PKHD1L1: variants seen among roughly 807,000 people sequenced by gnomAD.
The protein encoded by PKHD1L1 is PKHD1 like 1.
PKHD1L1 carries 434 observed loss-of-function variants against 462.9 expected under a neutral mutation model. The ratio of observed to expected loss-of-function variants is 0.94; its 90% CI spans 0.87 to 1.02. The LOEUF (loss-of-function observed/expected upper bound fraction) is 1.02, where lower values mean the gene tolerates loss of function less well. Ranked by LOEUF, PKHD1L1 falls within the 50% of genes least tolerant of loss-of-function variation. The probability of loss-of-function intolerance (pLI) is 0.00; values close to 1 mark genes in which losing one functional copy is unlikely to be tolerated. For synonymous variants in PKHD1L1, 1,781 were observed against 1,750.0 expected (o/e 1.02, Z -0.44); for missense variants, 5,202 against 5,096.1 (o/e 1.02, Z -0.63).
rs1463478670 is a variant in PKHD1L1, at chr8:109,439,001, T to C, written c.3865T>C (p.Phe1289Leu). The change falls in exon 32 of 78, where the codon TTC becomes CTC. Residue 1289 changes from phenylalanine (F) to leucine (L), a missense_variant. Around this residue, in one of 3 missense-constraint regions of PKHD1L1, gnomAD observed 4,497 missense variants for 4,336.8 expected, o/e 1.04. Transcript: ENST00000378402. ...AACCTGCCAGATTCTTCACTGGAAC[T>C]TCACAGATATTAGATGCCTTTTGCC... ...GKTCQILHWN[F>L]TDIRCLLPKL... 1 of 1,613,618 alleles carries C rather than the reference T, an allele frequency of 6.2e-7. No homozygotes were observed. Among genetic ancestry groups the C allele is most frequent in the African/African-American group, 1.3e-5 (1 of 74,930 alleles).
At chr8:109,520,542 G>A (rs1164559551) in intron 73 of PKHD1L1, among the ~76,000 whole-genome samples, 2 of 152,168 alleles carry the variant, frequency 1.3e-5, no homozygotes, top group African/African-American at 4.8e-5. Flanking sequence ...GTTAGGGATG[G>A]TGGGAGGGAC....
intron 50 of PKHD1L1, 106 bp downstream of exon 50, chr8:109,466,875 T>A: frequency 1.0e-6 from 1 of 998,222 alleles, no homozygotes; most frequent in Non-Finnish European, 1.5e-6. Flanking sequence ...TTGCAAAAAG[T>A]ATAACATTTA....
rs1821120480 is a variant in PKHD1L1, at chr8:109,535,179, G to C, written c.*5089G>C. 6.6e-6 allele frequency among the ~76,000 whole-genome samples: 1 copy of C among 151,966 alleles called. No individual in the cohort carries two copies. Among genetic ancestry groups the C allele is most frequent in the Non-Finnish European group, 1.5e-5 (1 of 67,988 alleles). On this transcript the variant is annotated 3_prime_UTR_variant, in exon 78 of 78. Transcript: ENST00000378402. ...TAGACTGAGTAATTATAGTTGCTAT[G>C]GTAATGGGCTCTGTGCCTATGAGCA...
chr8:109,454,358 T>G (rs1373521150), intron 44 of PKHD1L1, 112 bp downstream of exon 44: 2 of 739,312 alleles, frequency 2.7e-6, no homozygotes, highest in Admixed American at 3.2e-5. Context: ...AAGTTTATCT[T>G]TGTTTAGGTC....
At chr8:109,469,132 C>G (rs1817592524) in intron 50 of PKHD1L1, among the ~76,000 whole-genome samples, 1 of 152,118 alleles carries the variant, frequency 6.6e-6, no homozygotes, top group Non-Finnish European at 1.5e-5. Flanking sequence ...TGGTTAAGCA[C>G]TGACTCCTGC....
Position 109,464,932 on chromosome 8 carries a change from T to C in PKHD1L1, c.8100T>C (p.Asn2700=), listed in dbSNP as rs1271398507. 6.2e-7 allele frequency: 1 copy of C among 1,613,776 alleles called. No homozygotes were observed. Among genetic ancestry groups the C allele is most frequent in the Non-Finnish European group, 8.5e-7 (1 of 1,179,772 alleles). The change falls in exon 49 of 78, where the codon AAT becomes AAC. Residue 2700 remains asparagine (N), a synonymous_variant. Transcript: ENST00000378402. Reference sequence around the variant, plus strand: ...ATGTTGGAGGGTGGGGTGAAACCAATGGAGCGGTGATTAAAAATGCCAAAA... The same window carrying C: ...ATGTTGGAGGGTGGGGTGAAACCAACGGAGCGGTGATTAAAAATGCCAAAA... The part of the protein sequence containing the change: ...APYVGGWGET[N]GAVIKNAKIV...
rs1280304702 is a variant in PKHD1L1, at chr8:109,400,086, C to T, written c.1023C>T (p.Gly341=). Residue 341 remains glycine, a synonymous_variant, in exon 13 of 78, where the codon GGC becomes GGT. Transcript: ENST00000378402. ...ILKTVYPGGR[G]LKLEVWNNSR... ...TTTCATTACACTTAGGAGGGAGAGG[C>T]CTGAAGCTTGAGGTGTGGAATAATA... The T allele has an allele frequency of 1.2e-6, 2 of 1,611,338 alleles. No homozygotes were observed. The highest frequency in any genetic ancestry group is 1.7e-6 in the Non-Finnish European group (2 of 1,178,362).
At chr8:109,386,146 T>A (rs189079154) in intron 6 of PKHD1L1, among the ~76,000 whole-genome samples, 9 of 152,318 alleles carry the variant, frequency 5.9e-5, no homozygotes, top group Non-Finnish European at 1.2e-4. Context: ...TTGAATCCTG[T>A]TTTGTCCATT....
intron 40 of PKHD1L1, 68 bp from the exon 41 acceptor site, chr8:109,450,907 T>C (rs770363474): frequency 1.5e-4 from 220 of 1,421,522 alleles, no homozygotes; most frequent in Non-Finnish European, 2.1e-4. Flanking sequence ...TTGAAAATGT[T>C]TGGAGGTTTT....
chr8:109,465,764 C>T (rs1817408594), intron 49 of PKHD1L1, among the ~76,000 whole-genome samples: 1 of 152,086 alleles, frequency 6.6e-6, no homozygotes, highest in Admixed American at 6.5e-5. Context: ...CCTTTTATTC[C>T]AATCTAAATC....
At chr8:109,497,985 C>A (rs1196828813) in intron 65 of PKHD1L1, among the ~76,000 whole-genome samples, 3 of 151,936 alleles carry the variant, frequency 2.0e-5, no homozygotes, top group African/African-American at 7.3e-5. Flanking sequence ...GTTGGGGTAG[C>A]AACCTTTTTC....
chr8:109,459,418 CTTAG>C (rs373831152), intron 46 of PKHD1L1, among the ~76,000 whole-genome samples, 173 bp from the exon 47 acceptor site: 11 of 147,054 alleles, frequency 7.5e-5, no homozygotes, highest in Non-Finnish European at 1.2e-4. Context: ...ATTTGTAAAA[CTTAG>C]TTAATCAAGC....
intron 21 of PKHD1L1, among the ~76,000 whole-genome samples, chr8:109,418,110 T>C (rs1207945068): frequency 6.6e-6 from 1 of 152,224 alleles, no homozygotes; most frequent in Non-Finnish European, 1.5e-5. Flanking sequence ...AGTTTTGATA[T>C]CATTTTCAGT....
In PKHD1L1 at chr8:109,382,497, A is replaced by G; in HGVS notation, c.343A>G (p.Ser115Gly). The G allele has an allele frequency of 6.2e-7, 1 of 1,612,056 alleles. No individual in the cohort carries two copies. Among genetic ancestry groups the G allele is most frequent in the East Asian group, 2.2e-5 (1 of 44,718 alleles). Residue 115 changes from serine to glycine, a missense_variant, in exon 4 of 78, where the codon AGT becomes GGT. Physicochemically the swap from Ser to Gly is moderately conservative, Grantham distance 56 (BLOSUM62 0). Transcript: ENST00000378402. The stretch of plus-strand genomic sequence containing the variant: ...GGAAGATTCCTACACTGTTAGAGTC[A>G]GTGTGGACGGGGTTCCTGTTACGGA... The part of the protein sequence containing the change: ...MPEDSYTVRV[S>G]VDGVPVTENN...
rs371676711 is a variant in PKHD1L1, at chr8:109,507,758, G to T, written c.11090G>T (p.Gly3697Val). 3.1e-6 allele frequency: 5 copies of T among 1,613,422 alleles called. No homozygotes were observed. Among genetic ancestry groups the T allele is most frequent in the Non-Finnish European group, 4.2e-6 (5 of 1,179,658 alleles). Residue 3697 changes from glycine (G) to valine (V), a missense_variant, in exon 69 of 78, where the codon GGT (glycine) becomes GTT (valine). This residue lies in a region of PKHD1L1 where 698 missense variants were observed against 736.3 expected (regional missense o/e 0.95). Transcript: ENST00000378402. Reference protein sequence around the residue: ...DIDGSFLGNAGSVIPQAEYEW... With the variant: ...DIDGSFLGNAVSVIPQAEYEW... Reference sequence around the variant, plus strand: ...GATGGCTCCTTTCTGGGGAATGCTGGTTCTGTGATACCTCAAGCAGAATAT... The same window carrying T: ...GATGGCTCCTTTCTGGGGAATGCTGTTTCTGTGATACCTCAAGCAGAATAT...
intron 2 of PKHD1L1, among the ~76,000 whole-genome samples, chr8:109,371,775 G>T (rs1416644687): frequency 2.6e-5 from 4 of 151,862 alleles, no homozygotes; most frequent in Non-Finnish European, 5.9e-5. Flanking sequence ...TTTCCCCATT[G>T]CTTGTTTTTG....
At chr8:109,509,179 C>G (rs752025083) in intron 70 of PKHD1L1, among the ~76,000 whole-genome samples, 1 of 152,040 alleles carries the variant, frequency 6.6e-6, no homozygotes, top group African/African-American at 2.4e-5. Context: ...CCTCACTTCT[C>G]CCACCCCAAT....
chr8:109,454,828 C>T lies in PKHD1L1; in HGVS notation c.6850C>T (p.Arg2284Trp), dbSNP rs201214727. 3.3e-5 allele frequency: 53 copies of T among 1,613,526 alleles called. No homozygotes were observed. Among genetic ancestry groups the T allele is most frequent in the Middle Eastern group, 1.6e-4 (1 of 6,062 alleles). The change falls in exon 45 of 78, where the codon CGG becomes TGG. Residue 2284 changes from arginine to tryptophan, a missense_variant. Coordinates refer to ENST00000378402, the MANE Select transcript of PKHD1L1 (RefSeq NM_177531.6). Reference sequence around the variant, plus strand: ...CTATGGTGCCAAAACACTGGCTGTGCGGGAGGGAATCCTGGATCTGCACGG... The same window carrying T: ...CTATGGTGCCAAAACACTGGCTGTGTGGGAGGGAATCCTGGATCTGCACGG... ...PVYGAKTLAV[R>W]EGILDLHGVP...
At position 109,512,958 on chromosome 8, in the gene PKHD1L1, A is replaced by G. The variant is rs1470054710; in HGVS notation, c.11553+2024A>G. ...TAGGTATTTTATTTTCTTTGAAGCA[A>G]TTATGAATGGGAGTTCACTCATGAT... is the stretch of plus-strand genomic sequence containing the variant. On this transcript the variant is annotated intron_variant, in intron 71 of 77. Transcript: ENST00000378402. Among the ~76,000 whole-genome samples the G allele has an allele frequency of 9.9e-5, 15 of 152,264 alleles. No individual in the cohort carries two copies. In the East Asian group the frequency reaches 2.1e-3, roughly 22 times the overall value.
Sources: allele counts gnomAD v4.1 joint callset (sites outside exome capture counted in the v4.1 genomes callset), GRCh38; gene constraint gnomAD v4.1.1; regional missense constraint gnomAD v4.1.1; transcripts MANE v1.5; gene names NCBI Gene and HGNC (gene_info 2026-07-23, HGNC 2026-07-21).